RBP2: variants seen among roughly 807,000 people sequenced by gnomAD.
The protein encoded by RBP2 is retinol binding protein 2, also known as retinol-binding protein 2.
Under a neutral mutation model 17.0 loss-of-function variants are expected in RBP2, and 17 were observed. That is an observed-to-expected ratio of 1.00 (90% confidence interval 0.68 to 1.50). RBP2 has a LOEUF of 1.50. RBP2 is among the 40% of genes most tolerant of loss of function. The pLI is 0.00. For synonymous variants in RBP2, 48 were observed against 57.1 expected (o/e 0.84, Z 0.72); for missense variants, 158 against 168.2 (o/e 0.94, Z 0.33).
intron 1 of RBP2, among the ~76,000 whole-genome samples, chr3:139,467,713 A>G (rs1933412173): frequency 6.6e-6 from 1 of 152,176 alleles, no homozygotes. Flanking sequence ...GTTTGGGTCA[A>G]GTAGGGACCA....
chr3:139,464,383 G>A (rs758343228), intron 1 of RBP2, among the ~76,000 whole-genome samples: 5 of 152,102 alleles, frequency 3.3e-5, no homozygotes, highest in Admixed American at 1.3e-4. Context: ...ACTTGAACCC[G>A]GGAGGCGGAG....
At chr3:139,466,850 T>C (rs914035878) in intron 1 of RBP2, 1 of 152,222 alleles carries the variant, frequency 6.6e-6, no homozygotes, top group African/African-American at 2.4e-5. Flanking sequence ...GAACAGTTGC[T>C]CTCTGAATCC....
intron 1 of RBP2, among the ~76,000 whole-genome samples, chr3:139,472,983 T>C (rs1371068128): frequency 6.6e-6 from 1 of 152,206 alleles, no homozygotes; most frequent in Non-Finnish European, 1.5e-5. Flanking sequence ...TCTCCCAGTA[T>C]TCTTTCACAT....
chr3:139,463,325 T>C (rs1559806148), intron 1 of RBP2, among the ~76,000 whole-genome samples: 1 of 152,118 alleles, frequency 6.6e-6, no homozygotes, highest in Non-Finnish European at 1.5e-5. Context: ...TAGCTGGGAC[T>C]ACAGGTGCCC....
intron 2 of RBP2, among the ~76,000 whole-genome samples, chr3:139,461,266 C>T (rs1364701117): frequency 6.6e-6 from 1 of 152,222 alleles, no homozygotes; most frequent in Non-Finnish European, 1.5e-5. Flanking sequence ...CAAACAGCTC[C>T]TGTGGGCAAG....
At chr3:139,454,894 C>G in intron 2 of RBP2, 64 bp from the exon 3 acceptor site, 1 of 1,474,430 alleles carries the variant, frequency 6.8e-7, no homozygotes, top group South Asian at 1.1e-5. Context: ...AAATCTAAAC[C>G]TGCAGCTGCA....
At chr3:139,453,709 T>G (rs2107863385) in intron 3 of RBP2, among the ~76,000 whole-genome samples, 1 of 152,358 alleles carries the variant, frequency 6.6e-6, no homozygotes. Flanking sequence ...AGCCCAGGCC[T>G]TATTTGACCC....
chr3:139,453,500 A>G (rs1010233420), intron 3 of RBP2, among the ~76,000 whole-genome samples: 2 of 152,238 alleles, frequency 1.3e-5, no homozygotes. Flanking sequence ...GACCTAGTGT[A>G]GAGAAGTGTT....
chr3:139,463,180 G>T (rs1209288737), intron 1 of RBP2, among the ~76,000 whole-genome samples: 1 of 151,842 alleles, frequency 6.6e-6, no homozygotes, highest in Admixed American at 6.6e-5. Flanking sequence ...TTTGTTCAGA[G>T]ATTTCTTCTT....
Position 139,458,185 on chromosome 3 carries a change from G to A in RBP2, c.253-3355C>T, listed in dbSNP as rs538194065. Among the ~76,000 whole-genome samples the A allele has an allele frequency of 1.1e-4, 16 of 144,470 alleles. No homozygotes were observed. In the East Asian group the frequency reaches 4.1e-3, roughly 37 times the overall value. The allele number at this position is 144,470 out of a possible 152,430, so 94.8% of individuals were successfully genotyped here. A position where few individuals can be genotyped will look rare whatever the true frequency, so the allele number is the denominator to read the frequency against. ...ACTTTTCTGTAAGTTGGAATTACTC[G>A]CCAACACTTTTTTTTTTTAAAGGAA... On this transcript the variant is annotated intron_variant, in intron 2 of 3. Coordinates refer to ENST00000232217, the MANE Select transcript of RBP2 (RefSeq NM_004164.3).
At chr3:139,468,277 G>T (rs770594431) in intron 1 of RBP2, among the ~76,000 whole-genome samples, 2 of 152,220 alleles carry the variant, frequency 1.3e-5, no homozygotes, top group Admixed American at 6.5e-5. Context: ...CTTTACAAAC[G>T]CATTCTGTTG....
chr3:139,475,181 G>A (rs1420788073), intron 1 of RBP2, among the ~76,000 whole-genome samples: 3 of 151,706 alleles, frequency 2.0e-5, no homozygotes, highest in Non-Finnish European at 2.9e-5. Context: ...TTAGCCAGGC[G>A]TGGTGGCGGG....
At chr3:139,458,273 T>C (rs1433171578) in intron 2 of RBP2, among the ~76,000 whole-genome samples, 1 of 152,162 alleles carries the variant, frequency 6.6e-6, no homozygotes, top group Non-Finnish European at 1.5e-5. Context: ...CTTAGCGCAC[T>C]TGCCCTCAAT....
chr3:139,476,012 A>G (rs1933726547), intron 1 of RBP2, among the ~76,000 whole-genome samples: 3 of 152,202 alleles, frequency 2.0e-5, no homozygotes, highest in Admixed American at 2.0e-4. Context: ...TCATTGGTGG[A>G]TAATATCAGG....
At chr3:139,471,931 C>T (rs1289195135) in intron 1 of RBP2, among the ~76,000 whole-genome samples, 3 of 152,236 alleles carry the variant, frequency 2.0e-5, no homozygotes, top group East Asian at 1.9e-4. Flanking sequence ...TTCCTAGACC[C>T]TCTCCTTGCA....
chr3:139,465,076 A>G (rs1933312374), intron 1 of RBP2, among the ~76,000 whole-genome samples: 1 of 152,252 alleles, frequency 6.6e-6, no homozygotes, highest in South Asian at 2.1e-4. Context: ...TACATGGCTG[A>G]TACAGCAATT....
At chr3:139,456,499 G>T (rs1484295315) in intron 2 of RBP2, among the ~76,000 whole-genome samples, 1 of 152,182 alleles carries the variant, frequency 6.6e-6, no homozygotes, top group Non-Finnish European at 1.5e-5. Context: ...ATATGGTATG[G>T]TTCATCCCTG....
chr3:139,465,470 A>G (rs1045163948), intron 1 of RBP2, among the ~76,000 whole-genome samples: 21 of 152,124 alleles, frequency 1.4e-4, no homozygotes, highest in Non-Finnish European at 2.9e-5. Flanking sequence ...GCCTCAGAGA[A>G]GTTGTGTCAC....
At chr3:139,463,637 G>C (rs1425112002) in intron 1 of RBP2, among the ~76,000 whole-genome samples, 2 of 152,174 alleles carry the variant, frequency 1.3e-5, no homozygotes, top group East Asian at 3.9e-4. Flanking sequence ...GGCTCAACTA[G>C]AGCCATGCCA....
Sources: gnomAD v4.1 joint callset for allele counts (sites outside exome capture counted in the v4.1 genomes callset) on GRCh38, gnomAD v4.1.1 for gene constraint, MANE v1.5 for transcripts, NCBI Gene and HGNC (gene_info 2026-07-23, HGNC 2026-07-21) for gene names.